FRMD4A: variants seen among roughly 807,000 people sequenced by gnomAD.
The protein encoded by FRMD4A is FERM domain containing 4A.
FRMD4A carries 29 observed loss-of-function variants against 129.1 expected under a neutral mutation model. The observed-to-expected ratio is 0.22, with a 90% CI of 0.17 to 0.31. FRMD4A has a LOEUF of 0.31. Ranked by LOEUF, FRMD4A falls within the 10% of genes least tolerant of loss-of-function variation. The pLI, the probability that FRMD4A is intolerant of heterozygous loss-of-function variation, is 1.00. For synonymous variants in FRMD4A, 634 were observed against 571.6 expected (o/e 1.11, Z -1.56); for missense variants, 1,272 against 1,375.8 (o/e 0.92, Z 1.19).
At chr10:13,664,757 T>C (rs568850791) in intron 18 of FRMD4A, among the ~76,000 whole-genome samples, 23 of 152,068 alleles carry the variant, frequency 1.5e-4, no homozygotes, top group African/African-American at 5.5e-4. Context: ...CTGGCACGCA[T>C]GGTTACTCAC....
chr10:14,211,763 A>C (rs1237774211), intron 2 of FRMD4A, among the ~76,000 whole-genome samples: 1 of 152,242 alleles, frequency 6.6e-6, no homozygotes, highest in Non-Finnish European at 1.5e-5. Context: ...GGCAACTAAC[A>C]GTTAAGTAAG....
chr10:13,877,164 C>G (rs1357425744), intron 2 of FRMD4A, among the ~76,000 whole-genome samples: 1 of 152,134 alleles, frequency 6.6e-6, no homozygotes, highest in Non-Finnish European at 1.5e-5. Flanking sequence ...TATTCTAGAC[C>G]ACCTGCAAGT....
intron 16 of FRMD4A, among the ~76,000 whole-genome samples, chr10:13,670,787 T>C (rs1272910330): frequency 6.6e-6 from 1 of 152,254 alleles, no homozygotes; most frequent in East Asian, 1.9e-4. Context: ...TAAATTTCTG[T>C]AATTGCCATT....
At chr10:13,719,191 G>A (rs1020155860) in intron 12 of FRMD4A, among the ~76,000 whole-genome samples, 7 of 152,268 alleles carry the variant, frequency 4.6e-5, no homozygotes, top group African/African-American at 1.7e-4. Context: ...TTTCTAAGCT[G>A]CAAGGGATGC....
At chr10:14,018,942 G>A (rs757178748) in intron 2 of FRMD4A, among the ~76,000 whole-genome samples, 2 of 152,054 alleles carry the variant, frequency 1.3e-5, no homozygotes, top group African/African-American at 4.8e-5. Flanking sequence ...AGAGAATACC[G>A]ATCACTAGAT....
intron 2 of FRMD4A, among the ~76,000 whole-genome samples, chr10:14,028,268 G>C (rs1833074889): frequency 6.6e-6 from 1 of 152,180 alleles, no homozygotes; most frequent in Non-Finnish European, 1.5e-5. Context: ...AGGTGCTGGT[G>C]CCTACAAAGA....
At chr10:14,083,659 C>T (rs1836065860) in intron 2 of FRMD4A, 1 of 152,222 alleles carries the variant, frequency 6.6e-6, no homozygotes, top group Admixed American at 6.5e-5. Context: ...CTCTAGTTGT[C>T]CCGGTTATAG....
chr10:14,297,334 T>C (rs541378690), intron 2 of FRMD4A, among the ~76,000 whole-genome samples: 6 of 152,198 alleles, frequency 3.9e-5, no homozygotes, highest in East Asian at 1.9e-4. Flanking sequence ...CCATCCTTAT[T>C]CCTGCAGCTC....
Position 13,741,685 on chromosome 10 carries a change from T to A in FRMD4A, c.549-1108A>T, listed in dbSNP as rs6602681. 1.8e-4 allele frequency among the ~76,000 whole-genome samples: 28 copies of A among 152,010 alleles called. No individual in the cohort carries two copies. The East Asian group carries it at 5.2e-3, about 28-fold the overall frequency. ...CCAAGTGCCCACAGCCTACCTGCTC[T>A]GAATGCGTAGTCAGGAATGGAAGGC... On this transcript the variant is annotated intron_variant, in intron 9 of 24. Transcript: ENST00000357447.
At chr10:13,971,568 A>C (rs562198377) in intron 2 of FRMD4A, 1 of 719,970 alleles carries the variant, frequency 1.4e-6, no homozygotes, top group African/African-American at 1.8e-5. Context: ...TCCCGAACAC[A>C]TGTGACAATA....
chr10:13,957,018 T>C (rs2095413574), intron 2 of FRMD4A, among the ~76,000 whole-genome samples: 1 of 152,200 alleles, frequency 6.6e-6, no homozygotes, highest in South Asian at 2.1e-4. Flanking sequence ...TCCAGAACAT[T>C]CTTGCTAAAT....
At chr10:13,976,527 C>A (rs966849037) in intron 2 of FRMD4A, among the ~76,000 whole-genome samples, 1 of 147,158 alleles carries the variant, frequency 6.8e-6, no homozygotes, top group African/African-American at 2.5e-5. Context: ...TCGTTCACTG[C>A]TTCTGTAAAG....
chr10:13,737,669 A>G (rs1464218067), intron 12 of FRMD4A, among the ~76,000 whole-genome samples, 175 bp downstream of exon 12: 3 of 152,102 alleles, frequency 2.0e-5, no homozygotes, highest in African/African-American at 7.2e-5. Context: ...AAAAGAAAAA[A>G]TATTTACCCA....
chr10:13,768,439 A>C (rs551196184), intron 6 of FRMD4A, among the ~76,000 whole-genome samples: 1 of 152,332 alleles, frequency 6.6e-6, no homozygotes, highest in African/African-American at 2.4e-5. Context: ...AACTGCAGGA[A>C]TTCCAACTCT....
intron 2 of FRMD4A, among the ~76,000 whole-genome samples, chr10:13,986,084 G>A (rs955663107): frequency 2.6e-5 from 4 of 152,146 alleles, no homozygotes; most frequent in Admixed American, 6.5e-5. Context: ...CCTTCCACAG[G>A]CGTAGACATT....
intron 2 of FRMD4A, among the ~76,000 whole-genome samples, chr10:14,329,625 G>C (rs1389870753): frequency 2.6e-5 from 4 of 152,096 alleles, no homozygotes; most frequent in African/African-American, 9.7e-5. Flanking sequence ...CAGATATATG[G>C]GCGCCTAGAA....
intron 23 of FRMD4A, chr10:13,654,139 A>G: frequency 1.9e-6 from 1 of 536,436 alleles, no homozygotes; most frequent in South Asian, 2.8e-5. Context: ...ATCTTACCAA[A>G]GAAGCACAGT....
intron 2 of FRMD4A, among the ~76,000 whole-genome samples, chr10:14,060,318 C>T (rs761832551): frequency 3.3e-5 from 5 of 152,124 alleles, no homozygotes; most frequent in East Asian, 1.9e-4. Flanking sequence ...ACACAACCAG[C>T]GGGAGGTTGG....
chr10:13,859,020 C>T (rs1289668251), intron 2 of FRMD4A, 108 bp from the exon 3 acceptor site: 13 of 751,290 alleles, frequency 1.7e-5, no homozygotes, highest in Non-Finnish European at 2.0e-5. Flanking sequence ...GGCAAAACTT[C>T]CTCTGGGAGT....
Sources: gnomAD v4.1 joint callset for allele counts (sites outside exome capture counted in the v4.1 genomes callset) on GRCh38, gnomAD v4.1.1 for gene constraint, MANE v1.5 for transcripts, NCBI Gene and HGNC (gene_info 2026-07-23, HGNC 2026-07-21) for gene names.